The following PIWIL2 variants were observed in gnomAD, a reference collection of about 807,000 sequenced individuals.
PIWIL2 encodes the protein piwi-like protein 2.
In PIWIL2, 81 loss-of-function variants were observed where a neutral mutation model predicts 116.5. That is an observed-to-expected ratio of 0.70 (90% CI 0.58 to 0.84). The LOEUF (loss-of-function observed/expected upper bound fraction) is 0.84. Ranked by LOEUF, PIWIL2 falls within the 40% of genes least tolerant of loss-of-function variation. The probability of loss-of-function intolerance (pLI) is 0.00; values close to 1 mark genes in which losing one functional copy is unlikely to be tolerated. For synonymous variants in PIWIL2, 489 were observed against 429.5 expected (o/e 1.14, Z -1.71); for missense variants, 1,272 against 1,212.3 (o/e 1.05, Z -0.73).
intron 12 of PIWIL2, 69 bp from the exon 13 acceptor site, chr8:22,305,858 T>A: frequency 9.2e-7 from 1 of 1,092,672 alleles, no homozygotes; most frequent in Non-Finnish European, 1.4e-6. Flanking sequence ...GGCCATGACA[T>A]GTCCTGTATG....
In PIWIL2 at chr8:22,333,307, A is replaced by T. The variant is rs192997932; in HGVS notation, c.2403+15032A>T. 2.7e-4 allele frequency among the ~76,000 whole-genome samples: 41 copies of T among 152,260 alleles called. No homozygotes were observed. In the East Asian group the frequency reaches 7.5e-3, roughly 28 times the overall value. The stretch of plus-strand genomic sequence containing the variant: ...GTGTGAATGAAGCCAGTCACAAAAG[A>T]TCACATGGAAGAAATGTTTCTGGGC... On this transcript the variant is annotated intron_variant, in intron 20 of 22. Transcript: ENST00000356766.
chr8:22,302,123 A>G (rs1359540370), intron 10 of PIWIL2, among the ~76,000 whole-genome samples: 1 of 151,530 alleles, frequency 6.6e-6, no homozygotes, highest in East Asian at 1.9e-4. Flanking sequence ...AAATATTTGG[A>G]GATTTCTTAT....
At chr8:22,333,559 C>T (rs1268141524) in intron 20 of PIWIL2, among the ~76,000 whole-genome samples, 3 of 152,070 alleles carry the variant, frequency 2.0e-5, no homozygotes, top group African/African-American at 7.3e-5. Context: ...TTGCGGTGAG[C>T]CAATATCACG....
At chr8:22,326,904 A>G (rs543227611) in intron 20 of PIWIL2, among the ~76,000 whole-genome samples, 1 of 152,264 alleles carries the variant, frequency 6.6e-6, no homozygotes, top group South Asian at 2.1e-4. Context: ...TTTAACGTTT[A>G]GAGGAACCAC....
chr8:22,309,882 G>A (rs1831283312), intron 14 of PIWIL2, 79 bp from the exon 15 acceptor site: 2 of 790,960 alleles, frequency 2.5e-6, no homozygotes, highest in South Asian at 1.6e-5. Context: ...AGCTGAGCAG[G>A]CCTTATAGAG....
intron 12 of PIWIL2, 38 bp from the exon 13 acceptor site, chr8:22,305,889 G>C: frequency 1.4e-6 from 2 of 1,473,544 alleles, no homozygotes; most frequent in East Asian, 4.5e-5. Flanking sequence ...TGAGCCTCTT[G>C]TACTGCCTTA....
intron 19 of PIWIL2, among the ~76,000 whole-genome samples, chr8:22,317,260 A>G (rs904511262): frequency 4.6e-5 from 7 of 152,226 alleles, no homozygotes; most frequent in African/African-American, 1.4e-4. Context: ...ATCTGCAGAA[A>G]TTGAGAAAGT....
At chr8:22,333,456 A>T (rs1831907497) in intron 20 of PIWIL2, among the ~76,000 whole-genome samples, 1 of 151,998 alleles carries the variant, frequency 6.6e-6, no homozygotes, top group Admixed American at 6.6e-5. Context: ...TACTAAAAGT[A>T]ACAAAATTAG....
chr8:22,309,932 A>G (rs1332434290), intron 14 of PIWIL2, 29 bp from the exon 15 acceptor site: 4 of 1,329,818 alleles, frequency 3.0e-6, no homozygotes, highest in Admixed American at 1.7e-5. Flanking sequence ...GAAAAGGCTC[A>G]TGTCATAGAT....
intron 18 of PIWIL2, among the ~76,000 whole-genome samples, chr8:22,315,398 C>T (rs193147242): frequency 6.2e-4 from 95 of 152,294 alleles, no homozygotes; most frequent in South Asian, 1.2e-3. Flanking sequence ...CTCACTGCAA[C>T]GTCCACCTCC....
Position 22,281,204 on chromosome 8 carries a change from T to A in PIWIL2, c.283T>A (p.Ser95Thr). 1 of 1,606,564 alleles carries A rather than the reference T, an allele frequency of 6.2e-7. No homozygotes were observed. Among genetic ancestry groups the A allele is most frequent in the African/African-American group, 1.3e-5 (1 of 74,760 alleles). Residue 95 changes from serine to threonine, a missense_variant, in exon 3 of 23, where the codon TCA becomes ACA. Coordinates refer to ENST00000356766, the MANE Select transcript of PIWIL2 (RefSeq NM_018068.5). ...KTPLKREMLP[S>T]GRGILGRGLS... ...CCCTCTGAAACGGGAAATGCTTCCA[T>A]CAGGTATGTGGAAAACTAACTTGAG...
intron 16 of PIWIL2, among the ~76,000 whole-genome samples, 153 bp downstream of exon 16, chr8:22,311,453 T>C (rs1222588510): frequency 5.3e-5 from 8 of 152,268 alleles, no homozygotes; most frequent in African/African-American, 1.4e-4. Flanking sequence ...AAAAGTGTTC[T>C]TTATGCCCTT....
At chr8:22,347,030 G>C (rs543928314) in intron 20 of PIWIL2, among the ~76,000 whole-genome samples, 1 of 151,948 alleles carries the variant, frequency 6.6e-6, no homozygotes, top group South Asian at 2.1e-4. Context: ...AGTTAGCTGG[G>C]TATGGTAGTA....
Position 22,355,669 on chromosome 8 carries a change from A to C in PIWIL2, c.*164A>C. The C allele has an allele frequency of 1.5e-6, 1 of 661,830 alleles. No individual in the cohort carries two copies. The highest frequency in any genetic ancestry group is 2.5e-6 in the Non-Finnish European group (1 of 396,774). 41.0% of individuals were successfully genotyped at this position (661,830 alleles called of 1,614,324 possible). A position where few individuals can be genotyped will look rare whatever the true frequency, so the allele number is the denominator to read the frequency against. On this transcript the variant is annotated 3_prime_UTR_variant, in exon 23 of 23. Transcript: ENST00000356766. ...TTTCTTGTCTTTTAAACCTAATATC[A>C]CCAAGAAGCAAGTTTCTGAGTAACA...
intron 20 of PIWIL2, 112 bp from the exon 21 acceptor site, chr8:22,352,847 T>C: frequency 9.0e-7 from 1 of 1,107,120 alleles, no homozygotes; most frequent in Non-Finnish European, 1.3e-6. Context: ...TGGCACTAAC[T>C]GCAAAAGGAT....
chr8:22,290,063 T>A, intron 9 of PIWIL2, 136 bp downstream of exon 9: 1 of 729,868 alleles, frequency 1.4e-6, no homozygotes, highest in Non-Finnish European at 2.3e-6. Context: ...ATCTCTTCCT[T>A]AGTTTGGTTT....
intron 20 of PIWIL2, among the ~76,000 whole-genome samples, chr8:22,343,652 C>CTTGCCCTTAGGGAACTTGCCCTTAGGGA (rs1832160903): frequency 6.6e-6 from 1 of 152,328 alleles, no homozygotes; most frequent in African/African-American, 2.4e-5. Context: ...TGTTCAATAT[C>CTTGCCCTTAGGGAACTTGCCCTTAGGGA]ACTTGCCCTT....
chr8:22,306,887 CAG>C (rs1831195019), intron 13 of PIWIL2, among the ~76,000 whole-genome samples: 1 of 152,164 alleles, frequency 6.6e-6, no homozygotes, highest in Non-Finnish European at 1.5e-5. Context: ...ATGACTACCT[CAG>C]AGGGAATAAC....
chr8:22,322,116 C>G (rs1030600420), intron 20 of PIWIL2: 26 of 276,932 alleles, frequency 9.4e-5, no homozygotes, highest in Middle Eastern at 3.4e-3. Context: ...CCAGTTTTCC[C>G]TCATTGTCAA....
Sources: allele counts gnomAD v4.1 joint callset (sites outside exome capture counted in the v4.1 genomes callset), GRCh38; gene constraint gnomAD v4.1.1; transcripts MANE v1.5; gene names NCBI Gene and HGNC (gene_info 2026-07-23, HGNC 2026-07-21).